Variants in SUFU observed in about 807,000 individuals in gnomAD.
The protein encoded by SUFU is SUFU negative regulator of hedgehog signaling.
A neutral mutation model predicts 58.9 loss-of-function variants in SUFU; 7 were observed. The ratio of observed to expected loss-of-function variants is 0.12; its 90% CI spans 0.07 to 0.22. The LOEUF (loss-of-function observed/expected upper bound fraction) is 0.22, where lower values mean the gene tolerates loss of function less well. Among genes scored for constraint, SUFU ranks in the 10% least tolerant of loss-of-function variants. SUFU has a pLI of 1.00. For synonymous variants in SUFU, 232 were observed against 254.8 expected (o/e 0.91, Z 0.85); for missense variants, 451 against 641.3 (o/e 0.70, Z 3.20).
At chr10:102,620,651 G>A (rs750686300) in intron 10 of SUFU, among the ~76,000 whole-genome samples, 7 of 152,142 alleles carry the variant, frequency 4.6e-5, no homozygotes, top group African/African-American at 1.2e-4. Flanking sequence ...AGCCAATTCC[G>A]GGGCTGTGCA....
At chr10:102,582,172 C>A (rs1375304326) in intron 3 of SUFU, among the ~76,000 whole-genome samples, 4 of 152,200 alleles carry the variant, frequency 2.6e-5, no homozygotes, top group East Asian at 1.9e-4. Flanking sequence ...GAACATTAGT[C>A]CCCGCTCCAC....
intron 8 of SUFU, among the ~76,000 whole-genome samples, chr10:102,614,617 T>C (rs2063664329): frequency 6.7e-6 from 1 of 149,230 alleles, no homozygotes; most frequent in South Asian, 2.1e-4. Flanking sequence ...GGCTCACGCC[T>C]ATAATCCCAG....
intron 3 of SUFU, among the ~76,000 whole-genome samples, chr10:102,569,453 T>C (rs2063139097): frequency 6.6e-6 from 1 of 152,214 alleles, no homozygotes; most frequent in Non-Finnish European, 1.5e-5. Context: ...ACTCAGACTC[T>C]GTGGCTCTTG....
intron 3 of SUFU, among the ~76,000 whole-genome samples, chr10:102,591,809 T>G: frequency 6.6e-6 from 1 of 152,156 alleles, no homozygotes; most frequent in East Asian, 1.9e-4. Flanking sequence ...CCTGTGGGGT[T>G]GTTTTCCCTT....
intron 3 of SUFU, among the ~76,000 whole-genome samples, chr10:102,552,217 G>T (rs1441270806): frequency 6.6e-6 from 1 of 152,136 alleles, no homozygotes; most frequent in African/African-American, 2.4e-5. Context: ...GGCTGAAGCA[G>T]GAGGATCACT....
intron 2 of SUFU, among the ~76,000 whole-genome samples, chr10:102,544,003 G>A (rs1181783512): frequency 3.3e-5 from 5 of 152,202 alleles, no homozygotes; most frequent in Admixed American, 6.5e-5. Flanking sequence ...GGAGGCTGAG[G>A]TGAGAGGATC....
chr10:102,553,742 C>T (rs1045865721), intron 3 of SUFU, among the ~76,000 whole-genome samples: 1 of 151,756 alleles, frequency 6.6e-6, no homozygotes, highest in Non-Finnish European at 1.5e-5. Context: ...GGATTACAGG[C>T]GTGAGCCACC....
intron 3 of SUFU, among the ~76,000 whole-genome samples, chr10:102,564,043 T>A (rs576063720): frequency 5.3e-5 from 8 of 152,338 alleles, no homozygotes; most frequent in Admixed American, 4.6e-4. Context: ...GCCTCAGCAT[T>A]GCTGTGCTCA....
intron 2 of SUFU, among the ~76,000 whole-genome samples, chr10:102,511,374 A>G (rs1354201420): frequency 1.3e-5 from 2 of 151,764 alleles, no homozygotes; most frequent in Non-Finnish European, 2.9e-5. Flanking sequence ...TTTGCCCCTT[A>G]TACCATGTCT....
intron 2 of SUFU, among the ~76,000 whole-genome samples, chr10:102,547,033 G>C (rs928519011): frequency 6.6e-6 from 1 of 152,238 alleles, no homozygotes; most frequent in South Asian, 2.1e-4. Flanking sequence ...GCATTTGAGG[G>C]TTCTTCCCAT....
At chr10:102,539,861 C>T (rs181007780) in intron 2 of SUFU, among the ~76,000 whole-genome samples, 16 of 152,268 alleles carry the variant, frequency 1.1e-4, no homozygotes, top group South Asian at 2.1e-4. Context: ...TTAGCTCATG[C>T]GATTACAGAT....
chr10:102,537,343 T>C (rs1461860394), intron 2 of SUFU, among the ~76,000 whole-genome samples: 2 of 150,892 alleles, frequency 1.3e-5, no homozygotes, highest in Non-Finnish European at 3.0e-5. Context: ...GTTGCCCAGG[T>C]TGGTCGCAGA....
intron 2 of SUFU, among the ~76,000 whole-genome samples, chr10:102,516,796 G>A (rs2062476404): frequency 6.6e-6 from 1 of 151,956 alleles, no homozygotes; most frequent in Non-Finnish European, 1.5e-5. Flanking sequence ...TGGGATTACA[G>A]GTGTAAGCCT....
At chr10:102,534,718 T>C (rs2062715425) in intron 2 of SUFU, among the ~76,000 whole-genome samples, 1 of 152,220 alleles carries the variant, frequency 6.6e-6, no homozygotes, top group Non-Finnish European at 1.5e-5. Flanking sequence ...ATTCCAAGCA[T>C]GTGCTGGAGT....
intron 2 of SUFU, among the ~76,000 whole-genome samples, chr10:102,515,448 T>C (rs1430741877): frequency 6.6e-6 from 1 of 151,798 alleles, no homozygotes; most frequent in Non-Finnish European, 1.5e-5. Context: ...CCCAAGTAGC[T>C]GGGACTACAG....
chr10:102,582,815 T>A (rs1298254434), intron 3 of SUFU, among the ~76,000 whole-genome samples: 1 of 152,110 alleles, frequency 6.6e-6, no homozygotes, highest in Non-Finnish European at 1.5e-5. Context: ...GGGAAGGGAA[T>A]AGAAAGTGTC....
chr10:102,568,939 T>TAC (rs1341395312), intron 3 of SUFU, among the ~76,000 whole-genome samples: 5 of 43,754 alleles, frequency 1.1e-4, no homozygotes, highest in African/African-American at 1.7e-4. Context: ...TATATATATA[T>TAC]ATATATATAT....
intron 2 of SUFU, among the ~76,000 whole-genome samples, chr10:102,540,180 AT>A (rs2062782732): frequency 6.6e-6 from 1 of 152,196 alleles, no homozygotes; most frequent in Non-Finnish European, 1.5e-5. Flanking sequence ...TTAGTGGAGA[AT>A]GGTATATAGA....
In SUFU at chr10:102,593,633, C is replaced by T; in HGVS notation, c.598-3C>T. 6.2e-7 allele frequency: 1 copy of T among 1,614,154 alleles called. No homozygotes were observed. Among genetic ancestry groups the T allele is most frequent in the African/African-American group, 1.3e-5 (1 of 75,016 alleles). On this transcript the variant is annotated splice_polypyrimidine_tract_variant and splice_region_variant and intron_variant, in intron 4 of 11. Coordinates refer to ENST00000369902, the MANE Select transcript of SUFU (RefSeq NM_016169.4). ...ACAATGGGCTTTCTATCCTGGGCCT[C>T]AGATCGTTGGTGTCTGCACTGAAGA...
Sources: gnomAD v4.1 joint callset for allele counts (sites outside exome capture counted in the v4.1 genomes callset) on GRCh38, gnomAD v4.1.1 for gene constraint, MANE v1.5 for transcripts, NCBI Gene and HGNC (gene_info 2026-07-23, HGNC 2026-07-21) for gene names.